Variants in ANKS6 observed in about 807,000 individuals in gnomAD.
ANKS6 encodes the protein ankyrin repeat and sterile alpha motif domain containing 6, also known as ankyrin repeat and SAM domain-containing protein 6.
In ANKS6, 47 loss-of-function variants were observed where a neutral mutation model predicts 77.9. That is an observed-to-expected ratio of 0.60 (90% CI 0.48 to 0.77). The LOEUF (loss-of-function observed/expected upper bound fraction) is 0.77, where lower values mean the gene tolerates loss of function less well. Ranked by LOEUF, ANKS6 falls within the 30% of genes least tolerant of loss-of-function variation. The pLI, the probability that ANKS6 is intolerant of heterozygous loss-of-function variation, is 0.00. For synonymous variants in ANKS6, 488 were observed against 501.7 expected, an observed-to-expected ratio of 0.97 and a Z score of 0.37; for missense variants, 1,150 against 1,159.1, an observed-to-expected ratio of 0.99 and a Z score of 0.11.
intron 10 of ANKS6, among the ~76,000 whole-genome samples, chr9:98,768,624 C>T (rs1236771808): frequency 1.2e-4 from 18 of 152,198 alleles, no homozygotes; most frequent in African/African-American, 1.2e-4. Flanking sequence ...CTGCACAGAC[C>T]GTCTTGTCTG....
chr9:98,796,217 G>T lies in ANKS6; in HGVS notation c.275C>A (p.Pro92Gln). ...LQFAAAGGHEPLVRFLLRRGA... is the reference protein window; with the variant it reads ...LQFAAAGGHEQLVRFLLRRGA... The stretch of plus-strand genomic sequence containing the variant: ...GCGGCGCAGCAGGAAGCGCACCAGC[G>T]GTTCGTGGCCCCCGGCCGCGGCGAA... The change falls in exon 1 of 15, where the codon CCG (proline) becomes CAG (glutamine). Residue 92 changes from proline to glutamine, a missense_variant. Transcript: ENST00000353234. The T allele has an allele frequency of 7.1e-7, 1 of 1,414,390 alleles. No homozygotes were observed. Among genetic ancestry groups the T allele is most frequent in the East Asian group, 3.1e-5 (1 of 32,600 alleles). 87.6% of individuals were successfully genotyped at this position (1,414,390 alleles called of 1,614,324 possible).
At chr9:98,766,436 G>C (rs1196604151) in intron 11 of ANKS6, among the ~76,000 whole-genome samples, 4 of 152,044 alleles carry the variant, frequency 2.6e-5, no homozygotes, top group African/African-American at 9.7e-5. Flanking sequence ...CAAAACAGTA[G>C]GCTTCATGAG....
At chr9:98,737,069 C>T (rs749996009) in intron 14 of ANKS6, among the ~76,000 whole-genome samples, 1 of 152,150 alleles carries the variant, frequency 6.6e-6, no homozygotes, top group Non-Finnish European at 1.5e-5. Context: ...CAAAAGCTGC[C>T]GGATTTGTCT....
At chr9:98,780,380 T>C (rs773320514) in intron 5 of ANKS6, 43 bp from the exon 6 acceptor site, 2 of 1,537,640 alleles carry the variant, frequency 1.3e-6, no homozygotes, top group East Asian at 2.4e-5. Context: ...AATATGTCTG[T>C]TGGGCCATAA....
At chr9:98,790,642 C>CA (rs766295848) in intron 1 of ANKS6, 36 bp from the exon 2 acceptor site, 1 of 1,577,260 alleles carries the variant, frequency 6.3e-7, no homozygotes, top group Non-Finnish European at 8.7e-7. Flanking sequence ...ACACTGAACA[C>CA]ACAGCACTCG....
intron 2 of ANKS6, among the ~76,000 whole-genome samples, chr9:98,789,264 C>T (rs1188551168): frequency 6.6e-6 from 1 of 151,946 alleles, no homozygotes; most frequent in African/African-American, 2.4e-5. Flanking sequence ...GTGAGTCCTG[C>T]CGTCGAAGTC....
chr9:98,790,461 A>G lies in ANKS6; in HGVS notation c.505T>C (p.Phe169Leu), dbSNP rs1171435162. The part of the protein sequence containing the change: ...VVKLLLEAGA[F>L]VDHHHPSGEQ... ...CCTGAAGGGTGGTGATGGTCCACAA[A>G]GGCACCGGCTTCCAGGAGCAGCTTC... is the stretch of plus-strand genomic sequence containing the variant. Residue 169 changes from phenylalanine (F) to leucine (L), a missense_variant, in exon 2 of 15, where the codon TTT becomes CTT. By Grantham distance (22) the Phe-to-Leu change is conservative. Coordinates refer to ENST00000353234, the MANE Select transcript of ANKS6 (RefSeq NM_173551.5). 1 of 1,613,754 alleles carries G rather than the reference A, an allele frequency of 6.2e-7. No individual in the cohort carries two copies. Among genetic ancestry groups the G allele is most frequent in the Admixed American group, 1.7e-5 (1 of 59,988 alleles).
At chr9:98,785,154 C>T (rs561393552) in intron 2 of ANKS6, among the ~76,000 whole-genome samples, 1 of 152,266 alleles carries the variant, frequency 6.6e-6, no homozygotes, top group East Asian at 1.9e-4. Context: ...CATTTTTAGG[C>T]AAAACAAACG....
At position 98,790,225 on chromosome 9, in the gene ANKS6, C is replaced by A. The variant is rs1834823504; in HGVS notation, c.741G>T (p.Lys247Asn). ...CGCTGAGGTGGTCAGGGTTGGCGCC[C>A]TTCTCCACCAGCTGCTGGGCCACTC... The part of the protein sequence containing the change: ...RLGVAQQLVE[K>N]GANPDHLSVL... Residue 247 changes from lysine to asparagine, a missense_variant, in exon 2 of 15, where the codon AAG (lysine) becomes AAT (asparagine). By Grantham distance (94) the Lys-to-Asn change is moderately conservative. Coordinates refer to ENST00000353234, the MANE Select transcript of ANKS6 (RefSeq NM_173551.5). 6.2e-7 allele frequency: 1 copy of A among 1,607,320 alleles called. No individual in the cohort carries two copies. Among genetic ancestry groups the A allele is most frequent in the South Asian group, 1.1e-5 (1 of 90,928 alleles).
rs1400798812 is a variant in ANKS6 at position 98,736,051 on chromosome 9, G to A, written c.*468C>T. 2.5e-6 allele frequency: 3 copies of A among 1,185,054 alleles called. No homozygotes were observed. Among genetic ancestry groups the A allele is most frequent in the Non-Finnish European group, 3.1e-6 (3 of 958,226 alleles). The allele number at this position is 1,185,054 out of a possible 1,614,324, so 73.4% of individuals were successfully genotyped here. Reference sequence around the variant, plus strand: ...GCTGGGAAGCCACTATGTGGAGACTGCACATCCTGGCCTCCTCTGCATCCA... The same window carrying A: ...GCTGGGAAGCCACTATGTGGAGACTACACATCCTGGCCTCCTCTGCATCCA... On this transcript the variant is annotated 3_prime_UTR_variant, in exon 15 of 15. Coordinates refer to ENST00000353234, the MANE Select transcript of ANKS6 (RefSeq NM_173551.5).
chr9:98,744,343 C>T (rs1832004976), intron 14 of ANKS6, among the ~76,000 whole-genome samples: 1 of 152,208 alleles, frequency 6.6e-6, no homozygotes, highest in South Asian at 2.1e-4. Context: ...CTCTGCACAG[C>T]ACAGTGCTGC....
chr9:98,750,411 A>G (rs1008258458), intron 13 of ANKS6, among the ~76,000 whole-genome samples: 4 of 152,164 alleles, frequency 2.6e-5, no homozygotes, highest in African/African-American at 9.7e-5. Flanking sequence ...TTATTTATCC[A>G]TTCATTAGTC....
At chr9:98,783,578 A>AC (rs1564218811) in intron 4 of ANKS6, 3 of 167,942 alleles carry the variant, frequency 1.8e-5, no homozygotes, top group Non-Finnish European at 3.8e-5. Flanking sequence ...GGTATGAATA[A>AC]CCAATGTTTA....
At chr9:98,749,209 G>T (rs899965125) in intron 13 of ANKS6, among the ~76,000 whole-genome samples, 7 of 152,182 alleles carry the variant, frequency 4.6e-5, no homozygotes, top group African/African-American at 1.7e-4. Context: ...ACAGCCACCT[G>T]TGTCAAGTAG....
chr9:98,762,128 A>G (rs1320961844), intron 11 of ANKS6, among the ~76,000 whole-genome samples: 1 of 152,184 alleles, frequency 6.6e-6, no homozygotes, highest in Non-Finnish European at 1.5e-5. Context: ...TATTCCATAT[A>G]ATACATTTTC....
intron 13 of ANKS6, among the ~76,000 whole-genome samples, chr9:98,747,475 C>A (rs1163832867): frequency 6.6e-6 from 1 of 152,054 alleles, no homozygotes; most frequent in African/African-American, 2.4e-5. Flanking sequence ...GATGCAGGCA[C>A]CCCCACCTCT....
At chr9:98,756,642 T>C in intron 11 of ANKS6, 39 bp from the exon 12 acceptor site, 1 of 1,432,044 alleles carries the variant, frequency 7.0e-7, no homozygotes, top group Non-Finnish European at 9.2e-7. Flanking sequence ...AGCCATCACC[T>C]GTAGGGTAGA....
chr9:98,738,568 C>CAAAAAAAA (rs1342888637), intron 14 of ANKS6, among the ~76,000 whole-genome samples: 1 of 115,996 alleles, frequency 8.6e-6, no homozygotes, highest in African/African-American at 3.3e-5. Flanking sequence ...ATGGCCATAA[C>CAAAAAAAA]AAAAAAATAA....
intron 2 of ANKS6, 22 bp downstream of exon 2, chr9:98,790,082 C>T: frequency 6.5e-7 from 1 of 1,537,126 alleles, no homozygotes; most frequent in Non-Finnish European, 8.8e-7. Context: ...TCTGTGAAGC[C>T]ACGGGGGGCA....
Sources: allele counts gnomAD v4.1 joint callset (sites outside exome capture counted in the v4.1 genomes callset), GRCh38; gene constraint gnomAD v4.1.1; transcripts MANE v1.5; gene names NCBI Gene and HGNC (gene_info 2026-07-23, HGNC 2026-07-21).